SEL1L3: variants seen among roughly 807,000 people sequenced by gnomAD.
The protein encoded by SEL1L3 is protein sel-1 homolog 3.
A neutral mutation model predicts 142.8 loss-of-function variants in SEL1L3; 76 were observed. The ratio of observed to expected loss-of-function variants is 0.53; its 90% CI spans 0.44 to 0.64. SEL1L3 has a LOEUF of 0.64. SEL1L3 is among the 30% of genes least tolerant of loss of function. SEL1L3 has a pLI of 0.00. For missense variants in SEL1L3, 1,262 were observed against 1,381.7 expected (o/e 0.91, Z 1.37); for synonymous variants, 504 against 519.6 (o/e 0.97, Z 0.41).
At chr4:25,742,420 A>C in the SEL1L3 span, among the ~76,000 whole-genome samples, 1 of 152,010 alleles carries the variant, frequency 6.6e-6, no homozygotes, top group African/African-American at 2.4e-5. Context: ...TCCTGCACTC[A>C]AGCAATCTTG....
At chr4:25,842,621 T>C (rs1453427146) in intron 2 of SEL1L3, among the ~76,000 whole-genome samples, 2 of 152,182 alleles carry the variant, frequency 1.3e-5, no homozygotes, top group Non-Finnish European at 2.9e-5. Context: ...CACTGCCACC[T>C]CCACCCCCAC....
intron 7 of SEL1L3, 46 bp from the exon 8 acceptor site, chr4:25,819,986 T>C: frequency 1.3e-6 from 2 of 1,573,492 alleles, no homozygotes; most frequent in Non-Finnish European, 1.7e-6. Flanking sequence ...TGTCATCAAA[T>C]ATCCATCCAC....
chr4:25,821,955 C>CA, intron 7 of SEL1L3, 41 bp downstream of exon 7: 1 of 1,598,442 alleles, frequency 6.3e-7, no homozygotes, highest in Non-Finnish European at 8.5e-7. Flanking sequence ...CCACACCCAT[C>CA]ACCCAGGAGT....
intron 10 of SEL1L3, among the ~76,000 whole-genome samples, chr4:25,802,670 C>T (rs916436640): frequency 1.1e-4 from 17 of 152,110 alleles, no homozygotes; most frequent in African/African-American, 3.4e-4. Flanking sequence ...CAAGCTCCGC[C>T]TCCCAGGTTC....
At chr4:25,857,576 A>G (rs1577706665) in intron 1 of SEL1L3, among the ~76,000 whole-genome samples, 1 of 152,158 alleles carries the variant, frequency 6.6e-6, no homozygotes, top group Non-Finnish European at 1.5e-5. Context: ...ACAGAGGGAG[A>G]CAGCATCCCA....
chr4:25,789,812 G>T (rs371363433), intron 12 of SEL1L3, among the ~76,000 whole-genome samples: 1 of 151,990 alleles, frequency 6.6e-6, no homozygotes, highest in Non-Finnish European at 1.5e-5. Flanking sequence ...TCCCACAAAG[G>T]GCTCCTCTTC....
chr4:25,777,952 A>G (rs530474565), intron 16 of SEL1L3: 3 of 425,214 alleles, frequency 7.1e-6, no homozygotes, highest in African/African-American at 2.1e-5. Flanking sequence ...TCTCTGTTGC[A>G]TATTCTTCTT....
intron 1 of SEL1L3, 70 bp from the exon 2 acceptor site, chr4:25,847,934 T>C: frequency 1.1e-6 from 1 of 910,992 alleles, no homozygotes; most frequent in East Asian, 2.7e-5. Flanking sequence ...GATACTTGAA[T>C]CATTATTTTC....
At chr4:25,862,629 G>T (rs529438286) in intron 1 of SEL1L3, 46 bp downstream of exon 1, 376 of 1,119,386 alleles carry the variant, frequency 3.4e-4, no homozygotes, top group Middle Eastern at 1.4e-3. Context: ...CCGCGTCCCC[G>T]GGGCCCCGCG....
the SEL1L3 span, among the ~76,000 whole-genome samples, chr4:25,740,250 A>T: frequency 6.7e-6 from 1 of 149,228 alleles, no homozygotes; most frequent in Non-Finnish European, 1.5e-5. Context: ...CCTGGACAAC[A>T]TGGTGAAACC....
chr4:25,800,825 G>A (rs1040117085), intron 11 of SEL1L3, among the ~76,000 whole-genome samples: 1 of 152,154 alleles, frequency 6.6e-6, no homozygotes, highest in Non-Finnish European at 1.5e-5. Context: ...ACAGCCTTTT[G>A]GTGTTTTATA....
At position 25,847,588 on chromosome 4, in the gene SEL1L3, G is replaced by A; in HGVS notation, c.439C>T (p.His147Tyr). Residue 147 changes from histidine (H) to tyrosine (Y), a missense_variant, in exon 2 of 24, where the codon CAT becomes TAT. This residue lies in a region of SEL1L3 where 689 missense variants were observed against 692.8 expected (regional missense o/e 0.99). Transcript: ENST00000399878. ...ACCATAATGCTTGGAAATTTCACAT[G>A]TACTATTTGTGTCCTGCTGGTGTGA... ...HLHTSRTQIV[H>Y]VKFPSIMVYR... 1 of 1,613,950 alleles carries A rather than the reference G, an allele frequency of 6.2e-7. No individual in the cohort carries two copies. Among genetic ancestry groups the A allele is most frequent in the Non-Finnish European group, 8.5e-7 (1 of 1,179,866 alleles).
chr4:25,845,096 T>C (rs1716425502), intron 2 of SEL1L3, among the ~76,000 whole-genome samples: 1 of 152,218 alleles, frequency 6.6e-6, no homozygotes, highest in Non-Finnish European at 1.5e-5. Context: ...TGGAGTCCAG[T>C]TAACAGTATT....
intron 9 of SEL1L3, among the ~76,000 whole-genome samples, chr4:25,809,381 G>T (rs1456777620): frequency 6.6e-6 from 1 of 151,298 alleles, no homozygotes; most frequent in Non-Finnish European, 1.5e-5. Context: ...CTGGCCTCAA[G>T]CAATCCACCC....
At chr4:25,746,524 ATATTTAAATATATATATTCAAATG>A (rs1423259459), downstream of SEL1L3, among the ~76,000 whole-genome samples, 7 of 138,256 alleles carry the variant, frequency 5.1e-5, no homozygotes, top group Non-Finnish European at 9.4e-5. Context: ...ATATATATAT[ATATTTAAATATATATATTCAAATG>A]TATATATTTA....
At chr4:25,797,545 C>T (rs1712869502) in intron 11 of SEL1L3, among the ~76,000 whole-genome samples, 1 of 152,080 alleles carries the variant, frequency 6.6e-6, no homozygotes, top group African/African-American at 2.4e-5. Flanking sequence ...GCCAAGATTC[C>T]CCAAATATGG....
intron 9 of SEL1L3, among the ~76,000 whole-genome samples, chr4:25,816,368 C>T (rs1270449887): frequency 6.6e-6 from 1 of 151,962 alleles, no homozygotes; most frequent in Non-Finnish European, 1.5e-5. Context: ...TAAAATTGGA[C>T]CCAGGCCAGC....
intron 2 of SEL1L3, among the ~76,000 whole-genome samples, chr4:25,841,237 T>G (rs965763551): frequency 1.3e-5 from 2 of 152,202 alleles, no homozygotes; most frequent in African/African-American, 4.8e-5. Flanking sequence ...TTTCACCATG[T>G]TGGCTAGGCT....
chr4:25,775,206 CTT>C (rs1719529751), intron 17 of SEL1L3, among the ~76,000 whole-genome samples: 2 of 152,130 alleles, frequency 1.3e-5, no homozygotes, highest in African/African-American at 4.8e-5. Context: ...AAAAAAATCT[CTT>C]TTTGATTGTG....
Sources: allele counts gnomAD v4.1 joint callset (sites outside exome capture counted in the v4.1 genomes callset), GRCh38; gene constraint gnomAD v4.1.1; regional missense constraint gnomAD v4.1.1; transcripts MANE v1.5; gene names NCBI Gene and HGNC (gene_info 2026-07-23, HGNC 2026-07-21).